MLLT10: variants seen among roughly 807,000 people sequenced by gnomAD.
The protein encoded by MLLT10 is MLLT10 histone lysine methyltransferase DOT1L cofactor.
A neutral mutation model predicts 129.1 loss-of-function variants in MLLT10; 30 were observed. The ratio of observed to expected loss-of-function variants is 0.23; its 90% CI spans 0.17 to 0.32. The LOEUF (loss-of-function observed/expected upper bound fraction) is 0.32. Ranked by LOEUF, MLLT10 falls within the 10% of genes least tolerant of loss-of-function variation. The pLI, the probability that MLLT10 is intolerant of heterozygous loss-of-function variation, is 1.00. For synonymous variants in MLLT10, 490 were observed against 446.4 expected, an observed-to-expected ratio of 1.10 and a Z score of -1.23; for missense variants, 1,119 against 1,268.3, an observed-to-expected ratio of 0.88 and a Z score of 1.79.
At position 21,735,174 on chromosome 10, in the gene MLLT10, G is replaced by A. The variant is rs374332871; in HGVS notation, c.2894G>A (p.Arg965Gln). Residue 965 changes from arginine (R) to glutamine (Q), a missense_variant, in exon 21 of 23, where the codon CGA becomes CAA. Physicochemically the swap from Arg to Gln is conservative, Grantham distance 43. This residue lies in a region of MLLT10 where 1,004 missense variants were observed against 1,008.7 expected (regional missense o/e 1.00). Transcript: ENST00000307729. Reference sequence around the variant, plus strand: ...CTAGGATTACTTTCTGACCAGCAACGACAAATACTTATTCATCAACAGCAG... The same window carrying A: ...CTAGGATTACTTTCTGACCAGCAACAACAAATACTTATTCATCAACAGCAG... The part of the protein sequence containing the change: ...SGLGLLSDQQ[R>Q]QILIHQQQFQ... 32 of 1,613,776 alleles carry A rather than the reference G, an allele frequency of 2.0e-5. No individual in the cohort carries two copies. The highest frequency in any genetic ancestry group is 2.4e-5 in the Non-Finnish European group (28 of 1,179,998).
chr10:21,568,165 G>A (rs2039808086), intron 3 of MLLT10, among the ~76,000 whole-genome samples: 1 of 152,116 alleles, frequency 6.6e-6, no homozygotes, highest in Non-Finnish European at 1.5e-5. Flanking sequence ...TGTTCCTGAT[G>A]TACTCACTTC....
At chr10:21,552,820 T>G (rs1405567394) in intron 3 of MLLT10, among the ~76,000 whole-genome samples, 1 of 152,078 alleles carries the variant, frequency 6.6e-6, no homozygotes, top group African/African-American at 2.4e-5. Flanking sequence ...CGTCTCCTCT[T>G]TCTCCTCTCT....
intron 3 of MLLT10, among the ~76,000 whole-genome samples, chr10:21,585,499 C>T (rs1208094101): frequency 6.6e-6 from 1 of 152,138 alleles, no homozygotes; most frequent in African/African-American, 2.4e-5. Context: ...GGGAAATCAG[C>T]ATGCATGAGA....
intron 8 of MLLT10, among the ~76,000 whole-genome samples, chr10:21,626,841 G>T (rs908067760): frequency 2.0e-5 from 3 of 152,150 alleles, no homozygotes; most frequent in African/African-American, 7.2e-5. Flanking sequence ...GAACCTTTCA[G>T]CATCTGTATA....
At chr10:21,703,697 A>G (rs2055149514) in intron 13 of MLLT10, among the ~76,000 whole-genome samples, 1 of 152,054 alleles carries the variant, frequency 6.6e-6, no homozygotes, top group Non-Finnish European at 1.5e-5. Context: ...GGTGTGCACC[A>G]CTACCACCCG....
At position 21,659,274 on chromosome 10, in the gene MLLT10, G is replaced by T. The variant is rs117327622; in HGVS notation, c.795+7506G>T. On this transcript the variant is annotated intron_variant, in intron 9 of 22. Coordinates refer to ENST00000307729, the MANE Select transcript of MLLT10 (RefSeq NM_001195626.3). ...TAATTCAGGAGTATATAGTCACACA[G>T]CCCAGACTGGTTAGCCAAATCTAAA... is the stretch of plus-strand genomic sequence containing the variant. Among the ~76,000 whole-genome samples the T allele has an allele frequency of 1.2e-4, 18 of 152,156 alleles. No individual in the cohort carries two copies. In the East Asian group the frequency reaches 1.7e-3, roughly 15 times the overall value.
intron 13 of MLLT10, among the ~76,000 whole-genome samples, chr10:21,687,551 G>C (rs949230202): frequency 6.6e-6 from 1 of 152,140 alleles, no homozygotes; most frequent in African/African-American, 2.4e-5. Context: ...TTATGAGTTA[G>C]TGTGTTCTTT....
At chr10:21,637,696 C>CA (rs1318188590) in intron 8 of MLLT10, among the ~76,000 whole-genome samples, 2 of 152,246 alleles carry the variant, frequency 1.3e-5, no homozygotes, top group Non-Finnish European at 2.9e-5. Flanking sequence ...GCACTTCAGA[C>CA]ATATTGGAGG....
chr10:21,545,810 G>A (rs532889311), intron 3 of MLLT10, among the ~76,000 whole-genome samples: 2 of 152,244 alleles, frequency 1.3e-5, no homozygotes, highest in Admixed American at 6.5e-5. Flanking sequence ...AGGACTATAG[G>A]TGCATACCAC....
intron 3 of MLLT10, among the ~76,000 whole-genome samples, chr10:21,546,430 A>AGCTTCACTCTTGTT (rs2036086425): frequency 6.7e-6 from 1 of 149,010 alleles, no homozygotes; most frequent in Admixed American, 6.7e-5. Context: ...TTTGAGATGG[A>AGCTTCACTCTTGTT]GTCTCACTCT....
intron 3 of MLLT10, among the ~76,000 whole-genome samples, chr10:21,580,991 C>A (rs1008981029): frequency 6.7e-6 from 1 of 150,090 alleles, no homozygotes; most frequent in Non-Finnish European, 1.5e-5. Flanking sequence ...GAATTACAGG[C>A]GTGAGACACT....
chr10:21,717,831 C>CTCCTCCTT (rs1491386496), intron 14 of MLLT10, among the ~76,000 whole-genome samples: 2 of 22,898 alleles, frequency 8.7e-5, no homozygotes, highest in African/African-American at 1.3e-4. Context: ...TCCTCCTTCT[C>CTCCTCCTT]CTCCTCCTTC....
At chr10:21,666,576 T>C (rs1012028406) in intron 9 of MLLT10, among the ~76,000 whole-genome samples, 7 of 151,580 alleles carry the variant, frequency 4.6e-5, no homozygotes, top group South Asian at 2.1e-4. Flanking sequence ...GGCAGGAGAA[T>C]CGTTGGAACC....
intron 4 of MLLT10, among the ~76,000 whole-genome samples, chr10:21,590,696 C>T (rs745325661): frequency 6.6e-6 from 1 of 152,076 alleles, no homozygotes; most frequent in South Asian, 2.1e-4. Context: ...GTAATTACCC[C>T]GTTGTTATTC....
At chr10:21,679,091 A>G (rs779734232) in intron 11 of MLLT10, among the ~76,000 whole-genome samples, 2 of 152,198 alleles carry the variant, frequency 1.3e-5, no homozygotes, top group Non-Finnish European at 2.9e-5. Context: ...CACCTATAAA[A>G]TGTTTGATTC....
rs1458279775 is a variant in MLLT10, at chr10:21,674,052, C to T, written c.1621+133C>T. 6 of 718,652 alleles carry T rather than the reference C, an allele frequency of 8.3e-6. 1 individual carries two copies. The Middle Eastern group carries it at 1.0e-3, about 120-fold the overall frequency. 44.5% of individuals were successfully genotyped at this position (718,652 alleles called of 1,614,324 possible). On this transcript the variant is annotated intron_variant, in intron 11 of 22. Coordinates refer to ENST00000307729, the MANE Select transcript of MLLT10 (RefSeq NM_001195626.3). ...GACATTTAATTAAAGTGAAATTTCTCAGTTTTTAAATTTTCTAATGGAAAA... is the reference window on the plus strand; with the variant it reads ...GACATTTAATTAAAGTGAAATTTCTTAGTTTTTAAATTTTCTAATGGAAAA...
chr10:21,554,682 G>A (rs1181169560), intron 3 of MLLT10, among the ~76,000 whole-genome samples: 2 of 150,872 alleles, frequency 1.3e-5, no homozygotes, highest in Non-Finnish European at 2.9e-5. Flanking sequence ...AGATGGTCTC[G>A]ATCTCCTGAC....
At chr10:21,621,072 C>T (rs916302044) in intron 8 of MLLT10, among the ~76,000 whole-genome samples, 8 of 151,416 alleles carry the variant, frequency 5.3e-5, no homozygotes, top group Non-Finnish European at 1.2e-4. Flanking sequence ...GCAAGCTCCG[C>T]CTCCGGGTTC....
intron 4 of MLLT10, among the ~76,000 whole-genome samples, chr10:21,589,130 CAT>C (rs1214866099): frequency 3.3e-5 from 5 of 152,138 alleles, no homozygotes; most frequent in Admixed American, 6.5e-5. Flanking sequence ...AGGAGCCCCT[CAT>C]ATATTATTAT....
Sources: allele counts gnomAD v4.1 joint callset (sites outside exome capture counted in the v4.1 genomes callset), GRCh38; gene constraint gnomAD v4.1.1; regional missense constraint gnomAD v4.1.1; transcripts MANE v1.5; gene names NCBI Gene and HGNC (gene_info 2026-07-23, HGNC 2026-07-21).